Variants in GSN observed in about 807,000 individuals in gnomAD.
GSN encodes actin-depolymerizing factor.
In GSN, 56 loss-of-function variants were observed where a neutral mutation model predicts 85.7. The observed-to-expected ratio is 0.65, with a 90% CI of 0.53 to 0.82. GSN has a LOEUF of 0.82. Ranked by LOEUF, GSN falls within the 40% of genes least tolerant of loss-of-function variation. The pLI is 0.00. For synonymous variants in GSN, 373 were observed against 399.1 expected, an observed-to-expected ratio of 0.93 and a Z score of 0.78; for missense variants, 857 against 979.8, an observed-to-expected ratio of 0.87 and a Z score of 1.67.
intron 4 of GSN, among the ~76,000 whole-genome samples, chr9:121,221,485 T>C (rs1459005998): frequency 6.6e-6 from 1 of 152,192 alleles, no homozygotes; most frequent in African/African-American, 2.4e-5. Context: ...TCTCCTGTTC[T>C]AGCGTGCCAT....
intron 5 of GSN, among the ~76,000 whole-genome samples, chr9:121,243,323 T>TA (rs2054640223): frequency 6.6e-6 from 1 of 152,192 alleles, no homozygotes; most frequent in Non-Finnish European, 1.5e-5. Context: ...TAAGGAAACT[T>TA]ACGATTACAT....
At chr9:121,327,738 C>T (rs1334281810) in intron 14 of GSN, among the ~76,000 whole-genome samples, 1 of 152,170 alleles carries the variant, frequency 6.6e-6, no homozygotes, top group Non-Finnish European at 1.5e-5. Context: ...CTTTGGGAGG[C>T]TAAGGCGGGC....
In GSN at chr9:121,251,592, A is replaced by G. The variant is rs527760323; in HGVS notation, c.-341+3269A>G. On this transcript the variant is annotated intron_variant, in intron 6 of 24. Transcript: ENST00000373823. ...TAATATTGTTATATCACCTCTAAACATTGAAAAATGTGCTGATGCTGGTAG... is the reference window on the plus strand; with the variant it reads ...TAATATTGTTATATCACCTCTAAACGTTGAAAAATGTGCTGATGCTGGTAG... 2.0e-5 allele frequency among the ~76,000 whole-genome samples: 3 copies of G among 152,248 alleles called. No individual in the cohort carries two copies. The East Asian group carries it at 5.8e-4, about 29-fold the overall frequency.
At chr9:121,250,413 C>A (rs2054796949) in intron 6 of GSN, among the ~76,000 whole-genome samples, 1 of 152,090 alleles carries the variant, frequency 6.6e-6, no homozygotes, top group Admixed American at 6.5e-5. Context: ...ACCATGTTGG[C>A]CAGGCTGGTT....
In GSN at chr9:121,318,525, G is replaced by T; in HGVS notation, c.975+31G>T. 1 of 1,564,064 alleles carries T rather than the reference G, an allele frequency of 6.4e-7. No individual in the cohort carries two copies. The highest frequency in any genetic ancestry group is 1.1e-5 in the South Asian group (1 of 89,966). Reference sequence around the variant, plus strand: ...TCTTGGAGGCCAGGTAGGATGGGAAGGGGTGGGTCCTGTTTGGAGGGGATG... The same window carrying T: ...TCTTGGAGGCCAGGTAGGATGGGAATGGGTGGGTCCTGTTTGGAGGGGATG... On this transcript the variant is annotated intron_variant, in intron 9 of 17. Transcript: ENST00000432226. The surrounding 1 kb of genome is among the most constrained non-coding windows in gnomAD (Gnocchi z 4.3).
chr9:121,211,872 G>T (rs931437980), intron 4 of GSN, among the ~76,000 whole-genome samples: 6 of 152,092 alleles, frequency 3.9e-5, no homozygotes, highest in African/African-American at 1.4e-4. Flanking sequence ...TTATGAATTG[G>T]ACTTCTGTTC....
chr9:121,313,266 G>A (rs306761), intron 6 of GSN: 61,957 of 158,260 alleles, frequency 0.39, 13,016 homozygotes, highest in African/African-American at 0.55. Context: ...CGTTGAGGAC[G>A]TATCAATAGA....
chr9:121,287,133 T>G (rs1422653661), intron 2 of GSN, among the ~76,000 whole-genome samples: 2 of 152,160 alleles, frequency 1.3e-5, no homozygotes, highest in African/African-American at 4.8e-5. Context: ...GGGCCTATTC[T>G]CTTCCCCAGA....
intron 4 of GSN, among the ~76,000 whole-genome samples, chr9:121,223,754 G>A (rs1411035566): frequency 7.2e-5 from 11 of 152,018 alleles, no homozygotes; most frequent in African/African-American, 1.9e-4. Flanking sequence ...CTGCCTTCTG[G>A]GTTCAAGCGA....
intron 5 of GSN, among the ~76,000 whole-genome samples, chr9:121,235,727 G>A (rs1454343718): frequency 2.0e-5 from 3 of 152,130 alleles, no homozygotes; most frequent in Non-Finnish European, 4.4e-5. Flanking sequence ...ACCCAGGCCC[G>A]GAAATGACAC....
At chr9:121,236,940 T>G (rs1373089813) in intron 5 of GSN, among the ~76,000 whole-genome samples, 1 of 152,240 alleles carries the variant, frequency 6.6e-6, no homozygotes, top group Admixed American at 6.5e-5. Flanking sequence ...GTAAACACTT[T>G]AGAAACTTAA....
intron 5 of GSN, among the ~76,000 whole-genome samples, chr9:121,245,746 C>T (rs571789898): frequency 2.0e-5 from 3 of 152,186 alleles, no homozygotes; most frequent in South Asian, 2.1e-4. Context: ...AAAAGAAAAA[C>T]ACTTTTTAAA....
intron 2 of GSN, among the ~76,000 whole-genome samples, chr9:121,293,607 G>A (rs1241029503): frequency 6.7e-6 from 1 of 149,718 alleles, no homozygotes; most frequent in African/African-American, 2.5e-5. Flanking sequence ...AAATTAGCCA[G>A]AAATCACTTG....
At chr9:121,297,813 A>G (rs1372142862) in intron 2 of GSN, 5 of 152,218 alleles carry the variant, frequency 3.3e-5, no homozygotes, top group Non-Finnish European at 2.9e-5. Context: ...TTCAGTGAAC[A>G]TCCTTGCACA....
In GSN at chr9:121,317,146, C is replaced by T. The variant is rs2061808636; in HGVS notation, c.814C>T (p.Gln272Ter). 1 of 1,614,166 alleles carries T rather than the reference C, an allele frequency of 6.2e-7. No individual in the cohort carries two copies. Residue 272 changes from glutamine to a stop codon, truncating the protein, a stop_gained, in exon 8 of 18, where the codon CAG becomes TAG. Coordinates refer to ENST00000432226, the MANE Select transcript of GSN (RefSeq NM_198252.3). LOFTEE classifies it high-confidence loss of function. ...SLVADENPFA[Q>*]GALKSEDCFI... is the part of the protein sequence containing the mutation. ...CGTGGCTGATGAGAACCCCTTCGCC[C>T]AGGGGGCCCTGAAGTCAGAGGACTG...
intron 5 of GSN, among the ~76,000 whole-genome samples, chr9:121,235,440 C>T (rs1291341016): frequency 1.3e-5 from 2 of 152,210 alleles, no homozygotes; most frequent in African/African-American, 4.8e-5. Context: ...AAGGGCTGGT[C>T]GTTCCTATTC....
intron 14 of GSN, 103 bp from the exon 15 acceptor site, chr9:121,328,788 A>T: frequency 1.7e-6 from 2 of 1,177,886 alleles, no homozygotes; most frequent in Non-Finnish European, 2.5e-6. Context: ...GAGGAGAGGG[A>T]GAGCAGTTGG....
rs60476253 is a variant in GSN, at chr9:121,262,992, G to T, written c.-340-2162G>T. Among the ~76,000 whole-genome samples, 588 of 152,316 alleles carry T rather than the reference G, an allele frequency of 3.9e-3. 4 individuals carry two copies. Among genetic ancestry groups the T allele is most frequent in the African/African-American group, 0.013 (555 of 41,574 alleles). ...ACTATTTGACACTGGGATGATGTCG[G>T]AAAACCAAGCAAACACATTTTCTCC... On this transcript the variant is annotated intron_variant, in intron 6 of 24. Coordinates refer to the GSN transcript ENST00000373823.
chr9:121,231,005 T>G (rs1020725662), intron 4 of GSN, among the ~76,000 whole-genome samples: 1 of 152,188 alleles, frequency 6.6e-6, no homozygotes, highest in African/African-American at 2.4e-5. Flanking sequence ...GAGCACCTAC[T>G]ACGTGCAGGG....
Sources: allele counts gnomAD v4.1 joint callset (sites outside exome capture counted in the v4.1 genomes callset), GRCh38; gene constraint gnomAD v4.1.1; non-coding constraint Gnocchi (gnomAD v3.1); transcripts MANE v1.5; gene names NCBI Gene and HGNC (gene_info 2026-07-23, HGNC 2026-07-21).